Variants in CEACAM21 observed in about 807,000 individuals in gnomAD.
CEACAM21 encodes the protein CEA cell adhesion molecule 21.
Under a neutral mutation model 33.2 loss-of-function variants are expected in CEACAM21, and 38 were observed. That is an observed-to-expected ratio of 1.14 (90% CI 0.88 to 1.50). The LOEUF (loss-of-function observed/expected upper bound fraction) is 1.50, where lower values mean the gene tolerates loss of function less well. Among genes scored for constraint, CEACAM21 ranks in the 40% most tolerant of loss-of-function variants. CEACAM21 has a pLI of 0.00. For missense variants in CEACAM21, 385 were observed against 364.6 expected, an observed-to-expected ratio of 1.06 and a Z score of -0.46; for synonymous variants, 156 against 143.0, an observed-to-expected ratio of 1.09 and a Z score of -0.65.
intron 1 of CEACAM21, among the ~76,000 whole-genome samples, chr19:41,564,331 A>ACTATTTATTTATTTAT (rs2042105837): frequency 1.3e-5 from 2 of 148,324 alleles, no homozygotes; most frequent in Non-Finnish European, 3.0e-5. Context: ...TGAGTTATTT[A>ACTATTTATTTATTTAT]TTATTTATTT....
intron 2 of CEACAM21, among the ~76,000 whole-genome samples, chr19:41,571,056 C>CT (rs1324823195): frequency 6.6e-6 from 1 of 152,136 alleles, no homozygotes; most frequent in African/African-American, 2.4e-5. Context: ...GCTCTGTGAA[C>CT]TGCAGGGTGT....
At chr19:41,579,649 C>T in intron 3 of CEACAM21, 21 bp downstream of exon 3, 1 of 1,474,264 alleles carries the variant, frequency 6.8e-7, no homozygotes, top group South Asian at 1.3e-5. Flanking sequence ...CTCGGCCCCT[C>T]TCACTCCTTT....
chr19:41,556,574 A>T (rs2041543189), intron 1 of CEACAM21, among the ~76,000 whole-genome samples: 1 of 152,250 alleles, frequency 6.6e-6, no homozygotes, highest in Non-Finnish European at 1.5e-5. Flanking sequence ...AAGAATTGCG[A>T]TTTCCACTCT....
chr19:41,576,853 G>GCTCTGACA (rs2042983847), intron 1 of CEACAM21, among the ~76,000 whole-genome samples: 1 of 152,158 alleles, frequency 6.6e-6, no homozygotes, highest in African/African-American at 2.4e-5. Flanking sequence ...GTGCTGACAA[G>GCTCTGACA]AGCCCTGGAG....
chr19:41,566,521 G>A (rs1008197478), intron 2 of CEACAM21, among the ~76,000 whole-genome samples: 11 of 152,128 alleles, frequency 7.2e-5, no homozygotes, highest in South Asian at 4.1e-4. Context: ...TAAGCCATAC[G>A]TATGATAACA....
intron 6 of CEACAM21, 37 bp downstream of exon 6, chr19:41,585,908 G>A (rs993165743): frequency 6.2e-7 from 1 of 1,608,410 alleles, no homozygotes; most frequent in Admixed American, 1.7e-5. Context: ...TTCCACTGGG[G>A]CCCCAGCTGT....
At chr19:41,575,282 T>C (rs2042865378), upstream of CEACAM21, among the ~76,000 whole-genome samples, 1 of 152,188 alleles carries the variant, frequency 6.6e-6, no homozygotes, top group Non-Finnish European at 1.5e-5. Context: ...TACAACATTG[T>C]GAATAGAATT....
chr19:41,562,821 C>G (rs2041977438), intron 1 of CEACAM21, among the ~76,000 whole-genome samples: 1 of 152,068 alleles, frequency 6.6e-6, no homozygotes. Context: ...CTCCACCTCC[C>G]GGGTTCACGC....
At chr19:41,579,248 C>T (rs1031742159) in intron 2 of CEACAM21, 105 bp from the exon 3 acceptor site, 1 of 1,582,638 alleles carries the variant, frequency 6.3e-7, no homozygotes, top group Non-Finnish European at 8.6e-7. Flanking sequence ...CCCTGTCCTT[C>T]ATCTTTCTCC....
Position 41,586,701 on chromosome 19 carries a change from A to G in CEACAM21, c.*238A>G. ...CCCTGCTGAATATATAGAGACCTCA[A>G]CAGACTGCCCCGGGCTCTGGGTGGG... On this transcript the variant is annotated 3_prime_UTR_variant, in exon 7 of 7. Coordinates refer to ENST00000401445, the MANE Select transcript of CEACAM21 (RefSeq NM_001098506.4). 2.5e-6 allele frequency: 1 copy of G among 398,740 alleles called. No homozygotes were observed. The allele number at this position is 398,740 out of a possible 1,614,324, so 24.7% of individuals were successfully genotyped here.
intron 1 of CEACAM21, among the ~76,000 whole-genome samples, chr19:41,556,342 G>A (rs1206780540): frequency 6.6e-6 from 1 of 152,228 alleles, no homozygotes; most frequent in Non-Finnish European, 1.5e-5. Flanking sequence ...GTGCAGGGTA[G>A]TTACATGGGT....
intron 5 of CEACAM21, 45 bp from the exon 6 acceptor site, chr19:41,585,795 C>T (rs782712228): frequency 6.3e-7 from 1 of 1,598,064 alleles, no homozygotes; most frequent in Non-Finnish European, 8.5e-7. Flanking sequence ...AGGAGGGGCC[C>T]AGCTATCCTA....
intron 1 of CEACAM21, among the ~76,000 whole-genome samples, chr19:41,553,174 G>A (rs892818590): frequency 9.9e-5 from 15 of 151,956 alleles, no homozygotes; most frequent in Admixed American, 3.3e-4. Context: ...CCAGGCTGTC[G>A]TGAAGTGGCA....
chr19:41,576,547 T>C (rs2042961719), intron 1 of CEACAM21, among the ~76,000 whole-genome samples: 1 of 152,248 alleles, frequency 6.6e-6, no homozygotes, highest in Non-Finnish European at 1.5e-5. Context: ...TTCAAGTTCA[T>C]TGTCAGTGGC....
intron 1 of CEACAM21, among the ~76,000 whole-genome samples, chr19:41,563,112 C>T (rs896695146): frequency 1.3e-5 from 2 of 152,088 alleles, no homozygotes; most frequent in Non-Finnish European, 2.9e-5. Context: ...AAAATAATAA[C>T]AGTAAGAGTA....
At chr19:41,582,739 C>T (rs1224534672) in intron 3 of CEACAM21, among the ~76,000 whole-genome samples, 1 of 152,184 alleles carries the variant, frequency 6.6e-6, no homozygotes, top group Non-Finnish European at 1.5e-5. Context: ...GGCACCAAGT[C>T]TCTAGGCCGC....
chr19:41,572,647 G>A (rs2122207237), upstream of CEACAM21, among the ~76,000 whole-genome samples: 1 of 152,242 alleles, frequency 6.6e-6, no homozygotes, highest in Middle Eastern at 3.4e-3. Flanking sequence ...CTCCAGAAAA[G>A]ATACCTGTGC....
At chr19:41,585,294 C>A in intron 4 of CEACAM21, 149 bp from the exon 5 acceptor site, 1 of 756,562 alleles carries the variant, frequency 1.3e-6, no homozygotes, top group Non-Finnish European at 2.3e-6. Context: ...CAACTCCCCT[C>A]ACCTGGGCCC....
chr19:41,580,311 G>GC (rs2043279935), intron 3 of CEACAM21, among the ~76,000 whole-genome samples: 1 of 129,268 alleles, frequency 7.7e-6, no homozygotes, highest in Non-Finnish European at 1.6e-5. Context: ...CAAATGTGAT[G>GC]GGGGGGGGTT....
Sources: allele counts gnomAD v4.1 joint callset (sites outside exome capture counted in the v4.1 genomes callset), GRCh38; gene constraint gnomAD v4.1.1; transcripts MANE v1.5; gene names NCBI Gene and HGNC (gene_info 2026-07-23, HGNC 2026-07-21).